Variants in MAP2K3 observed in about 807,000 individuals in gnomAD.
MAP2K3 encodes mitogen-activated protein kinase kinase 3.
A neutral mutation model predicts 46.4 loss-of-function variants in MAP2K3; 30 were observed. The ratio of observed to expected loss-of-function variants is 0.65; its 90% CI spans 0.48 to 0.88. The LOEUF (loss-of-function observed/expected upper bound fraction) is 0.88. Ranked by LOEUF, MAP2K3 falls within the 40% of genes least tolerant of loss-of-function variation. The pLI is 0.00. For missense variants in MAP2K3, 380 were observed against 464.5 expected, an observed-to-expected ratio of 0.82 and a Z score of 1.67; for synonymous variants, 189 against 176.3, an observed-to-expected ratio of 1.07 and a Z score of -0.57.
At chr17:21,297,598 A>G (rs1215591361) in intron 1 of MAP2K3, among the ~76,000 whole-genome samples, 19 of 152,412 alleles carry the variant, frequency 1.2e-4, no homozygotes, top group African/African-American at 4.6e-4. Flanking sequence ...CCCTGACTAC[A>G]GGGAGCTCTC....
chr17:21,302,497 C>T (rs1416121578), intron 6 of MAP2K3, among the ~76,000 whole-genome samples: 1 of 152,312 alleles, frequency 6.6e-6, no homozygotes, highest in Non-Finnish European at 1.5e-5. Context: ...TTTGGCAGAT[C>T]CAGGTGTCTG....
chr17:21,302,341 T>A, intron 6 of MAP2K3, 82 bp downstream of exon 6: 2 of 1,457,496 alleles, frequency 1.4e-6, no homozygotes, highest in Non-Finnish European at 1.9e-6. Context: ...GGAGCCTGCC[T>A]ATTGATGGTG....
chr17:21,305,040 C>A lies in MAP2K3; in HGVS notation c.697-11C>A. On this transcript the variant is annotated splice_polypyrimidine_tract_variant and intron_variant, in intron 8 of 11. Coordinates refer to ENST00000342679, the MANE Select transcript of MAP2K3 (RefSeq NM_145109.3). ...GGGCGGGTGTTCACGCCTCACTCTT[C>A]CCTCCTGCAGCCTGAGAGGATCAAC... 1.2e-6 allele frequency: 2 copies of A among 1,614,314 alleles called. No individual in the cohort carries two copies. The highest frequency in any genetic ancestry group is 1.7e-6 in the Non-Finnish European group (2 of 1,180,058).
intron 3 of MAP2K3, among the ~76,000 whole-genome samples, chr17:21,299,934 A>T (rs1254379078): frequency 6.6e-6 from 1 of 152,304 alleles, no homozygotes; most frequent in Non-Finnish European, 1.5e-5. Flanking sequence ...GTGAGCCAAG[A>T]TTACCCCATT....
At chr17:21,302,020 C>T in intron 5 of MAP2K3, 123 bp from the exon 6 acceptor site, 1 of 945,192 alleles carries the variant, frequency 1.1e-6, no homozygotes, top group Admixed American at 1.9e-5. Flanking sequence ...TGAACTGTGG[C>T]TGAGTGGGTG....
chr17:21,299,182 TGA>T (rs1976447471), intron 3 of MAP2K3, among the ~76,000 whole-genome samples: 1 of 152,286 alleles, frequency 6.6e-6, no homozygotes. Flanking sequence ...GTTTCTGAGC[TGA>T]GAGCAAGGCC....
At chr17:21,295,459 G>A (rs1391786939) in intron 1 of MAP2K3, among the ~76,000 whole-genome samples, 2 of 152,426 alleles carry the variant, frequency 1.3e-5, no homozygotes, top group South Asian at 2.1e-4. Flanking sequence ...AGTGGCCGCC[G>A]AGAGCCTCTG....
intron 1 of MAP2K3, chr17:21,291,458 G>A (rs904052887): frequency 3.3e-5 from 15 of 456,356 alleles, no homozygotes; most frequent in Non-Finnish European, 6.2e-5. Context: ...CTGGCCTGTC[G>A]ACAGTGCAGG....
In MAP2K3 at chr17:21,302,236, A is replaced by G. The variant is rs1976646365; in HGVS notation, c.493A>G (p.Ile165Val). ...TAAAAACATGACAATTCCAGAGGAC[A>G]TCCTTGGGGAGATTGCTGTGTCTGT... ...LDKNMTIPED[I>V]LGEIAVSIVR... The change falls in exon 6 of 12, where the codon ATC (isoleucine) becomes GTC (valine). Residue 165 changes from isoleucine (I) to valine (V), a missense_variant. This residue lies in a region of MAP2K3 where 294 missense variants were observed against 275.4 expected (regional missense o/e 1.07). Coordinates refer to ENST00000342679, the MANE Select transcript of MAP2K3 (RefSeq NM_145109.3). 1.9e-6 allele frequency: 3 copies of G among 1,612,124 alleles called. No individual in the cohort carries two copies. Among genetic ancestry groups the G allele is most frequent in the Non-Finnish European group, 1.7e-6 (2 of 1,178,770 alleles).
chr17:21,303,765 G>A (rs1192488371), intron 7 of MAP2K3, among the ~76,000 whole-genome samples: 7 of 152,310 alleles, frequency 4.6e-5, no homozygotes, highest in East Asian at 1.9e-4. Flanking sequence ...CTGAGCACAA[G>A]TCTATTTTTC....
At chr17:21,295,211 C>G (rs1976171575) in intron 1 of MAP2K3, among the ~76,000 whole-genome samples, 3 of 152,306 alleles carry the variant, frequency 2.0e-5, no homozygotes, top group Non-Finnish European at 4.4e-5. Flanking sequence ...GTCGGGGGCT[C>G]TAGTTGGGGG....
chr17:21,285,175 A>G, intron 1 of MAP2K3: 2 of 922,048 alleles, frequency 2.2e-6, no homozygotes, highest in East Asian at 1.2e-4. Flanking sequence ...TTGGGACTGC[A>G]CTCAGGCCCG....
chr17:21,302,589 GC>G (rs1567670040), intron 6 of MAP2K3, among the ~76,000 whole-genome samples: 1 of 152,306 alleles, frequency 6.6e-6, no homozygotes, highest in Non-Finnish European at 1.5e-5. Flanking sequence ...TACTAAAAAT[GC>G]CCCGGGGCAG....
At chr17:21,313,591 G>C in intron 11 of MAP2K3, 54 bp downstream of exon 11, 1 of 1,266,940 alleles carries the variant, frequency 7.9e-7, no homozygotes, top group South Asian at 1.2e-5. Context: ...CTGGGGCTGG[G>C]TGGGGCTCTG....
chr17:21,294,418 T>C (rs1199883925), intron 1 of MAP2K3, among the ~76,000 whole-genome samples: 1 of 152,312 alleles, frequency 6.6e-6, no homozygotes, highest in Non-Finnish European at 1.5e-5. Context: ...GAGCAGGGGC[T>C]GCAAGGAGGG....
chr17:21,296,315 C>A, intron 1 of MAP2K3: 1 of 674,368 alleles, frequency 1.5e-6, no homozygotes. Flanking sequence ...ACGGCTGCGC[C>A]ACTCCAAGCC....
rs2363195 is a variant in MAP2K3, at chr17:21,314,348, C to T, written c.*118C>T. 56 of 928,320 alleles carry T rather than the reference C, an allele frequency of 6.0e-5. No individual in the cohort carries two copies. Among genetic ancestry groups the T allele is most frequent in the Non-Finnish European group, 8.9e-5 (52 of 581,524 alleles). 57.5% of individuals were successfully genotyped at this position (928,320 alleles called of 1,614,324 possible). On this transcript the variant is annotated 3_prime_UTR_variant, in exon 12 of 12. Transcript: ENST00000342679. ...CTGGCCCAGGGCATCTGGGAGGAACCGAGGGGGCTGCTCCCACCTGGCTCT... is the reference window on the plus strand; with the variant it reads ...CTGGCCCAGGGCATCTGGGAGGAACTGAGGGGGCTGCTCCCACCTGGCTCT...
intron 2 of MAP2K3, 150 bp downstream of exon 2, chr17:21,298,629 T>C: frequency 7.5e-7 from 1 of 1,328,248 alleles, no homozygotes; most frequent in South Asian, 1.2e-5. Context: ...AGGTGACGGC[T>C]GCTGGGGGTT....
intron 1 of MAP2K3, among the ~76,000 whole-genome samples, chr17:21,294,122 C>A (rs1333329108): frequency 1.3e-5 from 2 of 152,308 alleles, no homozygotes; most frequent in African/African-American, 4.8e-5. Context: ...GCCTCAGTTT[C>A]CCCCGTGCCA....
Sources: allele counts gnomAD v4.1 joint callset (sites outside exome capture counted in the v4.1 genomes callset), GRCh38; gene constraint gnomAD v4.1.1; regional missense constraint gnomAD v4.1.1; transcripts MANE v1.5; gene names NCBI Gene and HGNC (gene_info 2026-07-23, HGNC 2026-07-21).